Variants in TRIM44 observed in about 807,000 individuals in gnomAD.
The protein encoded by TRIM44 is tripartite motif-containing protein 44.
A neutral mutation model predicts 37.4 loss-of-function variants in TRIM44; 13 were observed. The ratio of observed to expected loss-of-function variants is 0.35; its 90% CI spans 0.23 to 0.55. The LOEUF is 0.55. TRIM44 is among the 20% of genes least tolerant of loss of function. The probability of loss-of-function intolerance (pLI) is 0.89; values close to 1 mark genes in which losing one functional copy is unlikely to be tolerated. For synonymous variants in TRIM44, 175 were observed against 157.2 expected (o/e 1.11, Z -0.85); for missense variants, 426 against 437.2 (o/e 0.97, Z 0.23).
At chr11:35,687,942 G>A (rs1036304008) in intron 2 of TRIM44, among the ~76,000 whole-genome samples, 2 of 152,140 alleles carry the variant, frequency 1.3e-5, no homozygotes, top group Non-Finnish European at 2.9e-5. Context: ...CTTGGAGCCA[G>A]CTTGAAGAAG....
At position 35,663,080 on chromosome 11, in the gene TRIM44, C is replaced by T. The variant is rs560840256; in HGVS notation, c.-32C>T. On this transcript the variant is annotated 5_prime_UTR_variant, in exon 1 of 5. Coordinates refer to ENST00000299413, the MANE Select transcript of TRIM44 (RefSeq NM_017583.6). ...GGAAGGAAGGCGGCGAGCCCCGGGG[C>T]CCCGAGGCCTTGGCCGCGTCACAGC... The T allele has an allele frequency of 2.2e-4, 332 of 1,488,268 alleles. 2 individuals are homozygous for T. In the Middle Eastern group the frequency reaches 6.7e-3, roughly 30 times the overall value. 92.2% of individuals were successfully genotyped at this position (1,488,268 alleles called of 1,614,324 possible). A position where few individuals can be genotyped will look rare whatever the true frequency, so the allele number is the denominator to read the frequency against.
chr11:35,707,650 C>T (rs188249028), intron 2 of TRIM44, among the ~76,000 whole-genome samples: 3 of 148,012 alleles, frequency 2.0e-5, no homozygotes, highest in Admixed American at 2.0e-4. Context: ...CTGACAAAAA[C>T]AAGAGATGGG....
At chr11:35,805,743 G>C (rs757497821) in intron 4 of TRIM44, among the ~76,000 whole-genome samples, 1 of 152,194 alleles carries the variant, frequency 6.6e-6, no homozygotes, top group Non-Finnish European at 1.5e-5. Context: ...GTAGAGAGAA[G>C]AGTAAATCGT....
chr11:35,724,072 A>C (rs950978531), intron 2 of TRIM44, among the ~76,000 whole-genome samples: 2 of 152,168 alleles, frequency 1.3e-5, no homozygotes, highest in African/African-American at 4.8e-5. Flanking sequence ...ACCTGCAGAG[A>C]GTATATGAGG....
intron 3 of TRIM44, among the ~76,000 whole-genome samples, chr11:35,728,083 T>C (rs930094658): frequency 1.3e-5 from 2 of 152,232 alleles, no homozygotes; most frequent in Admixed American, 1.3e-4. Context: ...CCCAGCACTT[T>C]GGCAGGCCGA....
chr11:35,752,560 C>T lies in TRIM44; in HGVS notation c.1007+17115C>T, dbSNP rs142444291. On this transcript the variant is annotated intron_variant, in intron 4 of 4. Coordinates refer to ENST00000299413, the MANE Select transcript of TRIM44 (RefSeq NM_017583.6). ...TTGATGCTAAACCCCAAATATCTCT[C>T]GAGTCAGTCTCTTTTGCTCCTTACT... Among the ~76,000 whole-genome samples, 714 of 151,886 alleles carry T rather than the reference C, an allele frequency of 4.7e-3. 7 individuals carry two copies. The highest frequency in any genetic ancestry group is 7.6e-3 in the Non-Finnish European group (516 of 68,018).
chr11:35,791,251 A>G (rs1853205975), intron 4 of TRIM44, among the ~76,000 whole-genome samples: 1 of 152,148 alleles, frequency 6.6e-6, no homozygotes, highest in South Asian at 2.1e-4. Context: ...TGAGCATCCT[A>G]ATGCCTGCTG....
At chr11:35,753,378 C>T (rs1052479034) in intron 4 of TRIM44, among the ~76,000 whole-genome samples, 2 of 152,184 alleles carry the variant, frequency 1.3e-5, no homozygotes, top group African/African-American at 2.4e-5. Flanking sequence ...GCTCTTACAG[C>T]TTGACAGAGA....
At position 35,663,468 on chromosome 11, in the gene TRIM44, T is replaced by G. The variant is rs1229167421; in HGVS notation, c.357T>G (p.Asp119Glu). The change falls in exon 1 of 5, where the codon GAT (aspartate) becomes GAG (glutamate). Residue 119 changes from aspartate (D) to glutamate (E), a missense_variant. Asp to Glu is a conservative substitution (Grantham distance 45, BLOSUM62 2). This residue lies in a region of TRIM44 where 331 missense variants were observed against 303.0 expected (regional missense o/e 1.09). Transcript: ENST00000299413. ...EESETEEESE[D>E]ESDEESEEDS... ...GCGAGACAGAGGAAGAGAGTGAGGA[T>G]GAGAGCGATGAGGAGAGTGAAGAAG... 3.8e-6 allele frequency: 6 copies of G among 1,564,148 alleles called. No homozygotes were observed. Among genetic ancestry groups the G allele is most frequent in the Admixed American group, 1.9e-5 (1 of 51,748 alleles).
chr11:35,704,647 T>G (rs1257049994), intron 2 of TRIM44, among the ~76,000 whole-genome samples: 1 of 152,190 alleles, frequency 6.6e-6, no homozygotes, highest in Non-Finnish European at 1.5e-5. Flanking sequence ...CAGAATTACA[T>G]ATCCAGCCAA....
chr11:35,771,889 C>T lies in TRIM44; in HGVS notation c.1008-34469C>T, dbSNP rs531404580. Among the ~76,000 whole-genome samples, 23 of 152,254 alleles carry T rather than the reference C, an allele frequency of 1.5e-4. 1 individual carries two copies. Among genetic ancestry groups the T allele is most frequent in the South Asian group, 1.0e-3 (5 of 4,818 alleles). ...TGCATAAGGGGAGCCGAATGTTAATCCCCAGGACAATGGGGAAAATATCTC... is the reference window on the plus strand; with the variant it reads ...TGCATAAGGGGAGCCGAATGTTAATTCCCAGGACAATGGGGAAAATATCTC... On this transcript the variant is annotated intron_variant, in intron 4 of 4. Transcript: ENST00000299413.
intron 3 of TRIM44, 73 bp from the exon 4 acceptor site, chr11:35,735,353 G>T (rs1413423051): frequency 1.3e-6 from 2 of 1,533,156 alleles, no homozygotes; most frequent in East Asian, 2.3e-5. Context: ...AGAGGGGAGG[G>T]AAAAGAAAGA....
intron 2 of TRIM44, among the ~76,000 whole-genome samples, chr11:35,700,351 A>G (rs555823709): frequency 6.6e-6 from 1 of 152,298 alleles, no homozygotes; most frequent in South Asian, 2.1e-4. Context: ...AACTTGTTCA[A>G]ACCTTTAGCT....
rs570913163 is a variant in TRIM44 at position 35,708,726 on chromosome 11, G to A, written c.748-17198G>A. Among the ~76,000 whole-genome samples the A allele has an allele frequency of 8.9e-3, 1,348 of 150,786 alleles. 16 individuals carry two copies. The highest frequency in any genetic ancestry group is 0.031 in the African/African-American group (1,233 of 40,358). On this transcript the variant is annotated intron_variant, in intron 2 of 4. Transcript: ENST00000299413. Reference sequence around the variant, plus strand: ...AATTGAACAATGAGAACACATGGACGCAGGAAGGGGAACATCACACTCTGG... The same window carrying A: ...AATTGAACAATGAGAACACATGGACACAGGAAGGGGAACATCACACTCTGG...
At chr11:35,684,789 G>A (rs1369446764) in intron 1 of TRIM44, among the ~76,000 whole-genome samples, 1 of 152,118 alleles carries the variant, frequency 6.6e-6, no homozygotes, top group Non-Finnish European at 1.5e-5. Flanking sequence ...TAAAAAACCT[G>A]TGTTCTTAAT....
At chr11:35,707,550 G>A (rs932987045) in intron 2 of TRIM44, among the ~76,000 whole-genome samples, 4 of 151,582 alleles carry the variant, frequency 2.6e-5, no homozygotes, top group African/African-American at 9.7e-5. Context: ...GCATGGTACT[G>A]GTACCAAAAC....
chr11:35,739,966 G>A (rs1231835569), intron 4 of TRIM44, among the ~76,000 whole-genome samples: 1 of 151,914 alleles, frequency 6.6e-6, no homozygotes, highest in East Asian at 1.9e-4. Flanking sequence ...GGGCATGGTG[G>A]CGTGTGCCTA....
intron 4 of TRIM44, among the ~76,000 whole-genome samples, chr11:35,782,009 T>A (rs1853071655): frequency 6.6e-6 from 1 of 152,256 alleles, no homozygotes; most frequent in African/African-American, 2.4e-5. Flanking sequence ...ATGAGTTATC[T>A]ACTGTGTACC....
chr11:35,754,714 C>T (rs962550025), intron 4 of TRIM44, among the ~76,000 whole-genome samples: 5 of 147,366 alleles, frequency 3.4e-5, no homozygotes, highest in East Asian at 2.0e-4. Context: ...TCCATGAGTT[C>T]GCATTGTTCA....
Sources: gnomAD v4.1 joint callset for allele counts (sites outside exome capture counted in the v4.1 genomes callset) on GRCh38, gnomAD v4.1.1 for gene constraint, gnomAD v4.1.1 regional missense constraint, MANE v1.5 for transcripts, NCBI Gene and HGNC (gene_info 2026-07-23, HGNC 2026-07-21) for gene names.